Variants in FGF14 observed in about 807,000 individuals in gnomAD.
The protein encoded by FGF14 is fibroblast growth factor 14.
A neutral mutation model predicts 25.5 loss-of-function variants in FGF14; 5 were observed. The ratio of observed to expected loss-of-function variants is 0.20; its 90% CI spans 0.10 to 0.41. FGF14 has a LOEUF of 0.41. FGF14 is among the 10% of genes least tolerant of loss of function. FGF14 has a pLI of 1.00. For missense variants in FGF14, 222 were observed against 320.1 expected (o/e 0.69, Z 2.34); for synonymous variants, 138 against 118.3 (o/e 1.17, Z -1.08).
At chr13:102,237,337 G>A (rs552320094) in intron 1 of FGF14, among the ~76,000 whole-genome samples, 9 of 152,330 alleles carry the variant, frequency 5.9e-5, no homozygotes, top group African/African-American at 2.2e-4. Flanking sequence ...TCTGCACAGA[G>A]TAGGGGATTG....
intron 1 of FGF14, among the ~76,000 whole-genome samples, chr13:101,989,041 A>G (rs2038754031): frequency 1.3e-5 from 2 of 151,942 alleles, no homozygotes; most frequent in Admixed American, 1.3e-4. Flanking sequence ...CCTATCAGAT[A>G]ATTCTCGCCA....
intron 1 of FGF14, among the ~76,000 whole-genome samples, chr13:101,892,072 C>T (rs1445316184): frequency 6.6e-6 from 1 of 151,996 alleles, no homozygotes; most frequent in Non-Finnish European, 1.5e-5. Flanking sequence ...GATAAGATTA[C>T]CAATAGCTAA....
At chr13:101,806,497 A>G (rs1289426959) in intron 3 of FGF14, among the ~76,000 whole-genome samples, 1 of 151,802 alleles carries the variant, frequency 6.6e-6, no homozygotes, top group African/African-American at 2.4e-5. Context: ...TTTTCATTCC[A>G]AAATATGAAC....
intron 1 of FGF14, among the ~76,000 whole-genome samples, chr13:102,118,395 G>A (rs112805220): frequency 0.03 from 3,446 of 115,342 alleles, 125 homozygotes; most frequent in African/African-American, 0.12. Flanking sequence ...CTTTGACAAC[G>A]GACCAAGAAA....
chr13:101,983,415 C>A (rs2038382632), intron 1 of FGF14, among the ~76,000 whole-genome samples: 1 of 152,140 alleles, frequency 6.6e-6, no homozygotes, highest in Admixed American at 6.6e-5. Context: ...TTGGTCAGAT[C>A]TCAGCCACGT....
chr13:101,869,676 C>T (rs2044939716), intron 2 of FGF14, among the ~76,000 whole-genome samples: 1 of 152,138 alleles, frequency 6.6e-6, no homozygotes, highest in Non-Finnish European at 1.5e-5. Context: ...TCTGCTGCTA[C>T]TCAAGTCCTT....
Position 101,850,496 on chromosome 13 carries a change from ATATATATATATATATATAGAAT to A in FGF14, c.408+18207_408+18228del, listed in dbSNP as rs2043743970. On this transcript the variant is annotated intron_variant, in intron 3 of 4. Transcript: ENST00000376143. The stretch of plus-strand genomic sequence containing the variant: ...TATATATATATATATATATATATAT[ATATATATATATATATATAGAAT>A]TATATATTCTATATATATATATATA... Among the ~76,000 whole-genome samples the A allele has an allele frequency of 1.7e-3, 3 of 1,770 alleles. 1 individual carries two copies. The highest frequency in any genetic ancestry group is 7.9e-3 in the Admixed American group (1 of 126). The allele number at this position is 1,770 out of a possible 152,430, so 1.2% of individuals were successfully genotyped here. A position where few individuals can be genotyped will look rare whatever the true frequency, so the allele number is the denominator to read the frequency against.
At position 101,981,639 on chromosome 13, in the gene FGF14, T is replaced by C. The variant is rs564654078; in HGVS notation, c.209-106343A>G. On this transcript the variant is annotated intron_variant, in intron 1 of 4. Coordinates refer to the FGF14 transcript ENST00000376131. ...AAACCCATAGGAGAGAAAGTGGCCA[T>C]AATTAAAAAACAACAACAACAACAA... Among the ~76,000 whole-genome samples, 87 of 80,742 alleles carry C rather than the reference T, an allele frequency of 1.1e-3. 3 individuals are homozygous for C. In the South Asian group the frequency reaches 0.029, roughly 27 times the overall value. The allele number at this position is 80,742 out of a possible 152,430, so 53.0% of individuals were successfully genotyped here. A position where few individuals can be genotyped will look rare whatever the true frequency, so the allele number is the denominator to read the frequency against.
intron 1 of FGF14, among the ~76,000 whole-genome samples, chr13:102,232,693 C>T (rs1357230779): frequency 6.6e-6 from 1 of 152,124 alleles, no homozygotes; most frequent in Admixed American, 6.5e-5. Flanking sequence ...TATTTTGACA[C>T]AAAAATAAAC....
intron 1 of FGF14, among the ~76,000 whole-genome samples, chr13:102,024,498 C>T (rs2390695): frequency 0.51 from 77,245 of 151,390 alleles, 23,210 homozygotes; most frequent in African/African-American, 0.83. Context: ...TGTGTTTTTA[C>T]ATTCTGAAAA....
chr13:102,242,642 T>G (rs533471407), intron 1 of FGF14, among the ~76,000 whole-genome samples: 4 of 152,106 alleles, frequency 2.6e-5, no homozygotes, highest in Non-Finnish European at 5.9e-5. Flanking sequence ...TAATCACCTC[T>G]CATTAGGCCC....
chr13:102,335,570 C>A (rs1242599000), intron 1 of FGF14, among the ~76,000 whole-genome samples: 4 of 151,952 alleles, frequency 2.6e-5, no homozygotes, highest in African/African-American at 7.3e-5. Flanking sequence ...AAGAAAGAGA[C>A]CAAGAAGGTG....
In FGF14 at chr13:101,827,866, C is replaced by G. The variant is rs149975792; in HGVS notation, c.408+40859G>C. 1.9e-3 allele frequency among the ~76,000 whole-genome samples: 292 copies of G among 150,344 alleles called. 1 individual carries two copies. The highest frequency in any genetic ancestry group is 6.8e-3 in the African/African-American group (279 of 40,996). The stretch of plus-strand genomic sequence containing the variant: ...TCTTCAAGTACTCAGAGTCATTAAC[C>G]TAAATCATTAGAGGTGAATTTAAGC... On this transcript the variant is annotated intron_variant, in intron 3 of 4. Coordinates refer to ENST00000376143, the MANE Select transcript of FGF14 (RefSeq NM_004115.4).
intron 1 of FGF14, among the ~76,000 whole-genome samples, chr13:102,311,817 A>G (rs1348443561): frequency 6.6e-6 from 1 of 152,232 alleles, no homozygotes; most frequent in African/African-American, 2.4e-5. Context: ...TACAGAAGGC[A>G]TAACACAACA....
chr13:102,248,005 T>C (rs544358260), intron 1 of FGF14, among the ~76,000 whole-genome samples: 274 of 152,166 alleles, frequency 1.8e-3, no homozygotes, highest in African/African-American at 6.1e-3. Context: ...AGCCAAATAG[T>C]GCATGTTCTC....
At chr13:102,278,363 G>GA (rs1188815286) in intron 1 of FGF14, among the ~76,000 whole-genome samples, 4 of 152,168 alleles carry the variant, frequency 2.6e-5, no homozygotes, top group Non-Finnish European at 5.9e-5. Flanking sequence ...TTGAAAACTG[G>GA]AAAGGTGGCT....
chr13:102,292,096 G>A (rs913597367), intron 1 of FGF14, among the ~76,000 whole-genome samples: 7 of 151,842 alleles, frequency 4.6e-5, no homozygotes, highest in Admixed American at 2.6e-4. Context: ...CTGGCTGGCC[G>A]GAGCCCCCGC....
rs150219836 is a variant in FGF14, at chr13:102,241,907, G to A, written c.208+159564C>T. 2.7e-3 allele frequency among the ~76,000 whole-genome samples: 409 copies of A among 152,160 alleles called. 2 individuals carry two copies. Among genetic ancestry groups the A allele is most frequent in the Non-Finnish European group, 4.7e-3 (321 of 67,964 alleles). On this transcript the variant is annotated intron_variant, in intron 1 of 4. Coordinates refer to the FGF14 transcript ENST00000376131. ...CAAGTTCTGCTTGCTTTGTATTTAA[G>A]ATTCAAAGAATCTTTATTCTTGGCA...
chr13:101,996,135 T>C (rs570000363), intron 1 of FGF14, among the ~76,000 whole-genome samples: 107 of 152,294 alleles, frequency 7.0e-4, no homozygotes, highest in African/African-American at 2.5e-3. Flanking sequence ...ATACACATAC[T>C]GTGTACCCAC....
Sources: gnomAD v4.1 joint callset for allele counts (sites outside exome capture counted in the v4.1 genomes callset) on GRCh38, gnomAD v4.1.1 for gene constraint, MANE v1.5 for transcripts, NCBI Gene and HGNC (gene_info 2026-07-23, HGNC 2026-07-21) for gene names.